The following GRID2 variants were observed in gnomAD, a reference collection of about 807,000 sequenced individuals.
GRID2 encodes the protein glutamate ionotropic receptor delta type subunit 2.
GRID2 carries 33 observed loss-of-function variants against 114.8 expected under a neutral mutation model. The observed-to-expected ratio is 0.29, with a 90% confidence interval of 0.22 to 0.38. The LOEUF (loss-of-function observed/expected upper bound fraction) is 0.38. Ranked by LOEUF, GRID2 falls within the 10% of genes least tolerant of loss-of-function variation. The pLI is 1.00. For missense variants in GRID2, 1,184 were observed against 1,257.7 expected (o/e 0.94, Z 0.89); for synonymous variants, 505 against 449.9 (o/e 1.12, Z -1.55).
At chr4:93,531,867 T>A (rs1313540944) in intron 13 of GRID2, among the ~76,000 whole-genome samples, 1 of 152,122 alleles carries the variant, frequency 6.6e-6, no homozygotes, top group Non-Finnish European at 1.5e-5. Flanking sequence ...TTATGTTTAT[T>A]TTTCCCTATT....
rs560563812 is a variant in GRID2 at position 93,561,084 on chromosome 4, G to A, written c.2193+45673G>A. ...TTATTTTTTAAATGATATGATGTTT[G>A]AGATTTACTTCAAAATAACCTGCAA... On this transcript the variant is annotated intron_variant, in intron 13 of 15. Coordinates refer to ENST00000282020, the MANE Select transcript of GRID2 (RefSeq NM_001510.4). 3.9e-5 allele frequency among the ~76,000 whole-genome samples: 6 copies of A among 152,056 alleles called. 1 individual carries two copies. In the South Asian group the frequency reaches 1.2e-3, roughly 32 times the overall value.
At chr4:93,108,305 A>G (rs977362648) in intron 3 of GRID2, among the ~76,000 whole-genome samples, 2 of 152,138 alleles carry the variant, frequency 1.3e-5, no homozygotes, top group African/African-American at 2.4e-5. Flanking sequence ...TAATGTTTGA[A>G]TGGGTATTCA....
chr4:92,552,244 G>GAAAAAAAAAAAAAAAA (rs560333310), intron 1 of GRID2, among the ~76,000 whole-genome samples: 1 of 123,878 alleles, frequency 8.1e-6, no homozygotes. Flanking sequence ...AAGCAAAAAT[G>GAAAAAAAAAAAAAAAA]AAAAAAAAAA....
intron 2 of GRID2, among the ~76,000 whole-genome samples, chr4:93,038,379 A>G (rs184833605): frequency 6.6e-6 from 1 of 152,324 alleles, no homozygotes; most frequent in African/African-American, 2.4e-5. Flanking sequence ...AAAAGAAGAC[A>G]TTTATGTAGC....
At chr4:92,763,593 T>C (rs888562999) in intron 2 of GRID2, among the ~76,000 whole-genome samples, 6 of 152,216 alleles carry the variant, frequency 3.9e-5, no homozygotes, top group Non-Finnish European at 7.3e-5. Flanking sequence ...GCAAATACTA[T>C]GATATTTTGT....
rs188012154 is a variant in GRID2 at position 92,509,645 on chromosome 4, G to A, written c.89-80486G>A. The stretch of plus-strand genomic sequence containing the variant: ...AGTTAAGTAGAAAAAGGACATTGAG[G>A]TAGAGTAGTGGCATTGCAAATTAAT... On this transcript the variant is annotated intron_variant, in intron 1 of 15. Coordinates refer to ENST00000282020, the MANE Select transcript of GRID2 (RefSeq NM_001510.4). Among the ~76,000 whole-genome samples, 6 of 152,046 alleles carry A rather than the reference G, an allele frequency of 3.9e-5. No individual in the cohort carries two copies. In the East Asian group the frequency reaches 1.2e-3, roughly 30 times the overall value.
rs184181804 is a variant in GRID2 at position 92,620,826 on chromosome 4, A to G, written c.244+30540A>G. Among the ~76,000 whole-genome samples, 504 of 151,350 alleles carry G rather than the reference A, an allele frequency of 3.3e-3. 3 individuals are homozygous for G. The highest frequency in any genetic ancestry group is 0.01 in the South Asian group (50 of 4,800). ...GGGAGTGGGGAGGGATAGCATTAGGAGATATACCTAATGCTAAATGATGAG... is the reference window on the plus strand; with the variant it reads ...GGGAGTGGGGAGGGATAGCATTAGGGGATATACCTAATGCTAAATGATGAG... On this transcript the variant is annotated intron_variant, in intron 2 of 15. Transcript: ENST00000282020.
intron 14 of GRID2, among the ~76,000 whole-genome samples, chr4:93,672,358 G>A (rs1041477759): frequency 6.6e-6 from 1 of 152,246 alleles, no homozygotes; most frequent in East Asian, 1.9e-4. Flanking sequence ...ATGGAGTGTG[G>A]ACATGTACAG....
chr4:93,198,459 C>T (rs146407420), intron 4 of GRID2, among the ~76,000 whole-genome samples: 37 of 152,124 alleles, frequency 2.4e-4, no homozygotes, highest in Middle Eastern at 3.4e-3. Flanking sequence ...AACATAAGGA[C>T]AAAGGCTGAA....
chr4:92,740,529 C>T (rs35137450), intron 2 of GRID2, among the ~76,000 whole-genome samples: 327 of 152,222 alleles, frequency 2.1e-3, no homozygotes, highest in Non-Finnish European at 3.9e-3. Context: ...GAATGAAATT[C>T]CTTATCCCTC....
chr4:92,477,443 T>G (rs371065998), intron 1 of GRID2, among the ~76,000 whole-genome samples: 13 of 151,982 alleles, frequency 8.6e-5, no homozygotes, highest in East Asian at 7.7e-4. Flanking sequence ...TCACTCTAGG[T>G]TTTCCAAACA....
intron 1 of GRID2, among the ~76,000 whole-genome samples, chr4:92,348,607 TGAAAGAA>T (rs1727901445): frequency 1.3e-5 from 2 of 152,152 alleles, no homozygotes; most frequent in South Asian, 4.1e-4. Flanking sequence ...TAGGTGTAAA[TGAAAGAA>T]ATAGGGGTGT....
chr4:93,578,539 A>G (rs1205826792), intron 13 of GRID2, among the ~76,000 whole-genome samples: 1 of 151,380 alleles, frequency 6.6e-6, no homozygotes, highest in Non-Finnish European at 1.5e-5. Flanking sequence ...GAAAGCTGAT[A>G]TATAGGTATC....
chr4:93,111,501 T>A (rs1732758272), intron 4 of GRID2, among the ~76,000 whole-genome samples: 1 of 152,182 alleles, frequency 6.6e-6, no homozygotes, highest in Admixed American at 6.5e-5. Flanking sequence ...TTTTTAATTG[T>A]ATCTGTTCAT....
chr4:92,789,578 C>T (rs1488932682), intron 2 of GRID2, among the ~76,000 whole-genome samples: 4 of 151,782 alleles, frequency 2.6e-5, no homozygotes, highest in African/African-American at 9.7e-5. Context: ...AGTACAATAT[C>T]CATTAACATT....
At chr4:92,710,986 T>C (rs561905100) in intron 2 of GRID2, among the ~76,000 whole-genome samples, 9 of 152,086 alleles carry the variant, frequency 5.9e-5, no homozygotes, top group African/African-American at 2.2e-4. Flanking sequence ...ATAGGACCGG[T>C]TATTTATTAT....
At chr4:92,957,437 G>T (rs183939995) in intron 2 of GRID2, among the ~76,000 whole-genome samples, 4 of 151,568 alleles carry the variant, frequency 2.6e-5, no homozygotes, top group African/African-American at 9.7e-5. Flanking sequence ...TTGTCTTTTC[G>T]CCTTTGTCAA....
At chr4:93,462,579 A>G (rs968665887) in intron 11 of GRID2, among the ~76,000 whole-genome samples, 5 of 152,154 alleles carry the variant, frequency 3.3e-5, no homozygotes, top group Admixed American at 6.5e-5. Context: ...GGATCACACT[A>G]TTATACAGAA....
intron 2 of GRID2, among the ~76,000 whole-genome samples, chr4:92,695,028 G>A (rs1242399781): frequency 1.3e-5 from 2 of 152,076 alleles, no homozygotes; most frequent in African/African-American, 4.8e-5. Context: ...GTGCAGTGGT[G>A]CAATCTCGGC....
Sources: gnomAD v4.1 joint callset for allele counts (sites outside exome capture counted in the v4.1 genomes callset) on GRCh38, gnomAD v4.1.1 for gene constraint, MANE v1.5 for transcripts, NCBI Gene and HGNC (gene_info 2026-07-23, HGNC 2026-07-21) for gene names.